NAALADL2: variants seen among roughly 807,000 people sequenced by gnomAD.
The protein encoded by NAALADL2 is N-acetylated alpha-linked acidic dipeptidase like 2.
A neutral mutation model predicts 87.2 loss-of-function variants in NAALADL2; 76 were observed. That is an observed-to-expected ratio of 0.87 (90% CI 0.72 to 1.05). The LOEUF is 1.05. Ranked by LOEUF, NAALADL2 falls within the 50% of genes least tolerant of loss-of-function variation. The pLI, the probability that NAALADL2 is intolerant of heterozygous loss-of-function variation, is 0.00. For synonymous variants in NAALADL2, 354 were observed against 331.0 expected, an observed-to-expected ratio of 1.07 and a Z score of -0.75; for missense variants, 1,089 against 945.8, an observed-to-expected ratio of 1.15 and a Z score of -1.99.
intron 11 of NAALADL2, among the ~76,000 whole-genome samples, chr3:175,668,062 A>C (rs1349251785): frequency 1.3e-5 from 2 of 152,142 alleles, no homozygotes; most frequent in African/African-American, 2.4e-5. Context: ...TTCTCCTTCA[A>C]CTGGCAAGAG....
intron 3 of NAALADL2, among the ~76,000 whole-genome samples, chr3:174,766,427 G>A (rs1713813947): frequency 6.6e-6 from 1 of 152,170 alleles, no homozygotes; most frequent in African/African-American, 2.4e-5. Context: ...CTTGCGAGGT[G>A]TGAGTCAGAA....
chr3:174,793,440 T>C (rs571284608), intron 3 of NAALADL2, among the ~76,000 whole-genome samples: 1 of 152,286 alleles, frequency 6.6e-6, no homozygotes, highest in South Asian at 2.1e-4. Flanking sequence ...AATAGTTATT[T>C]ACTTGGCAAT....
chr3:174,975,778 G>C (rs1167253157), intron 1 of NAALADL2, among the ~76,000 whole-genome samples: 2 of 152,130 alleles, frequency 1.3e-5, no homozygotes, highest in Non-Finnish European at 2.9e-5. Flanking sequence ...TACTTACTGA[G>C]AGCAATCACT....
intron 10 of NAALADL2, among the ~76,000 whole-genome samples, chr3:175,585,917 C>A (rs946252612): frequency 2.0e-5 from 3 of 152,134 alleles, no homozygotes; most frequent in Non-Finnish European, 2.9e-5. Flanking sequence ...ATTTCCATGA[C>A]AATGCCACAT....
intron 3 of NAALADL2, among the ~76,000 whole-genome samples, chr3:174,746,428 A>G (rs1276773371): frequency 6.6e-6 from 1 of 152,196 alleles, no homozygotes. Flanking sequence ...AGGAATTAAG[A>G]GAGAACACAA....
Position 175,389,339 on chromosome 3 carries a change from CAAG to C in NAALADL2, c.1091-57886_1091-57884del, listed in dbSNP as rs570599660. 1.3e-3 allele frequency among the ~76,000 whole-genome samples: 204 copies of C among 152,180 alleles called. 1 individual carries two copies. Among genetic ancestry groups the C allele is most frequent in the African/African-American group, 4.8e-3 (198 of 41,532 alleles). On this transcript the variant is annotated intron_variant, in intron 5 of 13. Coordinates refer to ENST00000454872, the MANE Select transcript of NAALADL2 (RefSeq NM_207015.3). ...ACCTGGCAGAATTTACATTTAGATC[CAAG>C]AAGGAATAAACACTGTACTCTACCT...
chr3:174,779,401 A>G (rs760220815), intron 3 of NAALADL2, among the ~76,000 whole-genome samples: 11 of 152,126 alleles, frequency 7.2e-5, no homozygotes, highest in Non-Finnish European at 1.3e-4. Context: ...TAGATTGCAA[A>G]AATGTTCTCC....
chr3:174,885,162 T>G (rs549546316), intron 1 of NAALADL2, among the ~76,000 whole-genome samples: 25 of 152,226 alleles, frequency 1.6e-4, no homozygotes, highest in African/African-American at 5.3e-4. Context: ...AGTTGTAGGG[T>G]CCCATTCTTT....
Position 174,696,428 on chromosome 3 carries a change from A to G in NAALADL2, c.-114-41213A>G, listed in dbSNP as rs1421945158. ...TGAGTGCTAGACTTATGTGGGAAAA[A>G]TAAACACCTTGGCTGTTTAAGTAAT... is the stretch of plus-strand genomic sequence containing the variant. On this transcript the variant is annotated intron_variant, in intron 2 of 3. Transcript: ENST00000434257. Among the ~76,000 whole-genome samples, 3 of 151,874 alleles carry G rather than the reference A, an allele frequency of 2.0e-5. No homozygotes were observed. The South Asian group carries it at 6.2e-4, about 32-fold the overall frequency.
chr3:174,525,640 T>A (rs183667173), intron 1 of NAALADL2, among the ~76,000 whole-genome samples: 59 of 152,096 alleles, frequency 3.9e-4, no homozygotes, highest in East Asian at 1.5e-3. Context: ...CAATGATTAA[T>A]CATAGCTGTA....
intron 1 of NAALADL2, among the ~76,000 whole-genome samples, chr3:175,006,737 G>A: frequency 6.6e-6 from 1 of 151,834 alleles, no homozygotes. Flanking sequence ...TATTTTCACT[G>A]AAAGATAGGA....
At chr3:175,393,963 A>AT (rs912020470) in intron 5 of NAALADL2, among the ~76,000 whole-genome samples, 3 of 152,118 alleles carry the variant, frequency 2.0e-5, no homozygotes, top group East Asian at 3.9e-4. Context: ...TACACAAGCT[A>AT]TTTTTTTCTG....
intron 1 of NAALADL2, among the ~76,000 whole-genome samples, chr3:174,984,891 T>C (rs1745637533): frequency 6.7e-6 from 1 of 149,618 alleles, no homozygotes; most frequent in Non-Finnish European, 1.5e-5. Context: ...AGAAATCTTT[T>C]TGCCTGTACC....
At chr3:175,012,950 A>G (rs1456218133) in intron 1 of NAALADL2, among the ~76,000 whole-genome samples, 2 of 140,868 alleles carry the variant, frequency 1.4e-5, no homozygotes, top group East Asian at 2.0e-4. Flanking sequence ...TTTGTCCAAT[A>G]TAGCCTAGAT....
At chr3:175,192,978 G>A (rs905573082) in intron 2 of NAALADL2, among the ~76,000 whole-genome samples, 9 of 151,526 alleles carry the variant, frequency 5.9e-5, no homozygotes, top group African/African-American at 2.2e-4. Flanking sequence ...GATACAAAAT[G>A]AGGCTAAAAT....
chr3:175,650,854 T>C (rs1730669420), intron 11 of NAALADL2, among the ~76,000 whole-genome samples: 1 of 152,236 alleles, frequency 6.6e-6, no homozygotes, highest in African/African-American at 2.4e-5. Context: ...TGTTATAACA[T>C]GGTATAACCC....
intron 5 of NAALADL2, among the ~76,000 whole-genome samples, chr3:175,401,046 T>C (rs1009284725): frequency 3.9e-5 from 6 of 152,148 alleles, no homozygotes; most frequent in African/African-American, 1.4e-4. Flanking sequence ...CTTTCTCAGC[T>C]CTTGAATCTT....
intron 1 of NAALADL2, among the ~76,000 whole-genome samples, chr3:174,910,803 C>T (rs1267896940): frequency 6.6e-6 from 1 of 152,100 alleles, no homozygotes; most frequent in Non-Finnish European, 1.5e-5. Context: ...TAAAATGTGA[C>T]ATCTGAAATA....
intron 4 of NAALADL2, among the ~76,000 whole-genome samples, chr3:175,300,633 C>G (rs920684553): frequency 6.6e-6 from 1 of 151,532 alleles, no homozygotes; most frequent in Non-Finnish European, 1.5e-5. Context: ...CAGTGGTGAT[C>G]CCCCCTTTAT....
Sources: gnomAD v4.1 joint callset for allele counts (sites outside exome capture counted in the v4.1 genomes callset) on GRCh38, gnomAD v4.1.1 for gene constraint, MANE v1.5 for transcripts, NCBI Gene and HGNC (gene_info 2026-07-23, HGNC 2026-07-21) for gene names.